Variants in CCDC178 observed in about 807,000 individuals in gnomAD.
The protein encoded by CCDC178 is coiled-coil domain containing 178.
A neutral mutation model predicts 117.4 loss-of-function variants in CCDC178; 126 were observed. That is an observed-to-expected ratio of 1.07 (90% confidence interval 0.93 to 1.24). The LOEUF (loss-of-function observed/expected upper bound fraction) is 1.24, where lower values mean the gene tolerates loss of function less well. Among genes scored for constraint, CCDC178 ranks in the 50% most tolerant of loss-of-function variants. The pLI is 0.00. For missense variants in CCDC178, 1,030 were observed against 986.9 expected (o/e 1.04, Z -0.59); for synonymous variants, 283 against 313.4 (o/e 0.90, Z 1.02).
intron 22 of CCDC178, among the ~76,000 whole-genome samples, chr18:32,972,374 C>T (rs2054945339): frequency 6.6e-6 from 1 of 152,052 alleles, no homozygotes; most frequent in Non-Finnish European, 1.5e-5. Flanking sequence ...TTCCACTGGT[C>T]TATTTATCTG....
intron 9 of CCDC178, among the ~76,000 whole-genome samples, chr18:33,345,973 G>A (rs553119688): frequency 1.3e-5 from 2 of 152,000 alleles, no homozygotes; most frequent in East Asian, 1.9e-4. Context: ...GACTACAGGC[G>A]AGCACCACCA....
intron 11 of CCDC178, among the ~76,000 whole-genome samples, chr18:33,306,342 T>A (rs1166823273): frequency 1.3e-5 from 2 of 151,622 alleles, no homozygotes; most frequent in African/African-American, 4.8e-5. Context: ...GACCCAGCTA[T>A]CTTTTATAAA....
At chr18:33,328,083 A>ATT (rs771034112) in intron 10 of CCDC178, 92 of 100,608 alleles carry the variant, frequency 9.1e-4, no homozygotes, top group East Asian at 1.7e-3. Flanking sequence ...TTATCCCTAG[A>ATT]TTTTTTTTTT....
rs561862463 is a variant in CCDC178, at chr18:33,298,409, T to A, written c.1023-5097A>T. 2.0e-5 allele frequency among the ~76,000 whole-genome samples: 3 copies of A among 152,308 alleles called. No individual in the cohort carries two copies. The East Asian group carries it at 5.8e-4, about 29-fold the overall frequency. ...CATCTCAGTAAAGGCAAGTAAAGTATGTGATAAAATTAAACATTTCATCAC... is the reference window on the plus strand; with the variant it reads ...CATCTCAGTAAAGGCAAGTAAAGTAAGTGATAAAATTAAACATTTCATCAC... On this transcript the variant is annotated intron_variant, in intron 11 of 22. Transcript: ENST00000383096.
chr18:33,153,142 A>ATATATATATATAACATATATTATATAT (rs2058358979), intron 20 of CCDC178, among the ~76,000 whole-genome samples: 2 of 148,100 alleles, frequency 1.4e-5, no homozygotes, highest in African/African-American at 4.9e-5. Flanking sequence ...ACAATTATAT[A>ATATATATATATAACATATATTATATAT]TATATATATA....
At chr18:33,116,412 A>G (rs1427264833) in intron 20 of CCDC178, among the ~76,000 whole-genome samples, 1 of 152,174 alleles carries the variant, frequency 6.6e-6, no homozygotes, top group Non-Finnish European at 1.5e-5. Context: ...ATTGCTGCAT[A>G]ACAAATCACT....
intron 20 of CCDC178, among the ~76,000 whole-genome samples, chr18:33,096,848 GGGAGTGCTTACTATAGTCA>G (rs2057550430): frequency 6.6e-6 from 1 of 152,054 alleles, no homozygotes; most frequent in East Asian, 1.9e-4. Flanking sequence ...GCTAATATTA[GGGAGTGCTTACTATAGTCA>G]GGAGCTGTGC....
rs2054154637 is a variant in CCDC178 at position 32,937,927 on chromosome 18, G to A, written c.*84C>T. 9.5e-7 allele frequency: 1 copy of A among 1,056,280 alleles called. No individual in the cohort carries two copies. The highest frequency in any genetic ancestry group is 1.5e-6 in the Non-Finnish European group (1 of 684,182). The allele number at this position is 1,056,280 out of a possible 1,614,324, so 65.4% of individuals were successfully genotyped here. ...CATGGAAGTGTGAAATGGCAAACAG[G>A]TGAATGTCCAATTACACTGTTATCT... is the stretch of plus-strand genomic sequence containing the variant. On this transcript the variant is annotated 3_prime_UTR_variant, in exon 23 of 23. Coordinates refer to ENST00000383096, the MANE Select transcript of CCDC178 (RefSeq NM_001105528.4).
chr18:33,217,919 C>A (rs2059185891), intron 18 of CCDC178, among the ~76,000 whole-genome samples: 1 of 151,978 alleles, frequency 6.6e-6, no homozygotes, highest in African/African-American at 2.4e-5. Flanking sequence ...AGAAACAAAG[C>A]ATCAGATTTC....
chr18:33,287,771 ACCG>A (rs1275138445), intron 12 of CCDC178, among the ~76,000 whole-genome samples: 53 of 152,170 alleles, frequency 3.5e-4, no homozygotes, highest in African/African-American at 1.3e-3. Flanking sequence ...AGAGAGAGAC[ACCG>A]TCTCAAAATA....
intron 21 of CCDC178, among the ~76,000 whole-genome samples, chr18:32,976,218 T>TA (rs1162151165): frequency 6.6e-6 from 1 of 151,968 alleles, no homozygotes; most frequent in Admixed American, 6.6e-5. Context: ...TTGTCAAACT[T>TA]AAAAAAAATT....
Position 33,061,019 on chromosome 18 carries a change from T to C in CCDC178, c.2388+31742A>G, listed in dbSNP as rs541807362. Reference sequence around the variant, plus strand: ...TTGTTATAATCTAAAAAATTATATATCCTAAAATCTAGAAAATTTGCACAA... The same window carrying C: ...TTGTTATAATCTAAAAAATTATATACCCTAAAATCTAGAAAATTTGCACAA... On this transcript the variant is annotated intron_variant, in intron 21 of 22. Transcript: ENST00000383096. Among the ~76,000 whole-genome samples, 3 of 152,242 alleles carry C rather than the reference T, an allele frequency of 2.0e-5. No homozygotes were observed. The East Asian group carries it at 5.8e-4, about 29-fold the overall frequency.
intron 12 of CCDC178, among the ~76,000 whole-genome samples, chr18:33,271,381 A>G (rs1025748431): frequency 4.0e-5 from 6 of 151,580 alleles, no homozygotes; most frequent in Admixed American, 1.3e-4. Flanking sequence ...AAATATGTTG[A>G]AAGTAAAGGC....
At position 33,224,947 on chromosome 18, in the gene CCDC178, A is replaced by G. The variant is rs777177324; in HGVS notation, c.1657-11T>C. 3 of 1,490,826 alleles carry G rather than the reference A, an allele frequency of 2.0e-6. No individual in the cohort carries two copies. The highest frequency in any genetic ancestry group is 4.8e-5 in the Admixed American group (2 of 41,812). 92.3% of individuals were successfully genotyped at this position (1,490,826 alleles called of 1,614,324 possible). On this transcript the variant is annotated splice_polypyrimidine_tract_variant and intron_variant, in intron 16 of 22. Coordinates refer to ENST00000383096, the MANE Select transcript of CCDC178 (RefSeq NM_001105528.4). Reference sequence around the variant, plus strand: ...GGAATATAGTTTTTTCTGCCAGCAAAGATTTTAAATAAATCATTCAGTTAT... The same window carrying G: ...GGAATATAGTTTTTTCTGCCAGCAAGGATTTTAAATAAATCATTCAGTTAT...
chr18:33,413,539 A>AT (rs2063889061), intron 2 of CCDC178, among the ~76,000 whole-genome samples: 1 of 151,798 alleles, frequency 6.6e-6, no homozygotes, highest in Non-Finnish European at 1.5e-5. Flanking sequence ...TGAAAAAAAA[A>AT]TGCTTCTACT....
chr18:33,158,460 T>TA (rs1473946154), intron 20 of CCDC178, among the ~76,000 whole-genome samples: 12 of 152,220 alleles, frequency 7.9e-5, no homozygotes, highest in African/African-American at 1.2e-4. Flanking sequence ...AATATCAGTT[T>TA]AAAATGCATC....
chr18:33,172,498 T>C (rs2058614533), intron 20 of CCDC178, among the ~76,000 whole-genome samples: 2 of 152,060 alleles, frequency 1.3e-5, no homozygotes. Context: ...AAAATTATGT[T>C]TATACATTTA....
intron 18 of CCDC178, among the ~76,000 whole-genome samples, chr18:33,217,240 G>C (rs145203849): frequency 3.2e-4 from 48 of 152,080 alleles, no homozygotes; most frequent in Admixed American, 3.0e-3. Flanking sequence ...TATTTGTAGA[G>C]AGACTCATAA....
At chr18:33,001,167 T>C (rs1199414455) in intron 21 of CCDC178, among the ~76,000 whole-genome samples, 2 of 152,192 alleles carry the variant, frequency 1.3e-5, no homozygotes, top group Non-Finnish European at 2.9e-5. Context: ...ATGGGTTATA[T>C]GATAGTATTT....
Sources: gnomAD v4.1 joint callset for allele counts (sites outside exome capture counted in the v4.1 genomes callset) on GRCh38, gnomAD v4.1.1 for gene constraint, MANE v1.5 for transcripts, NCBI Gene and HGNC (gene_info 2026-07-23, HGNC 2026-07-21) for gene names.